ASCC3: variants seen among roughly 807,000 people sequenced by gnomAD.
ASCC3 encodes ASC-1 complex subunit P200.
A neutral mutation model predicts 256.3 loss-of-function variants in ASCC3; 158 were observed. The observed-to-expected ratio is 0.62, with a 90% CI of 0.54 to 0.70. The LOEUF is 0.70. ASCC3 is among the 30% of genes least tolerant of loss of function. The pLI is 0.00. For missense variants in ASCC3, 2,259 were observed against 2,626.0 expected (o/e 0.86, Z 3.05); for synonymous variants, 948 against 883.4 (o/e 1.07, Z -1.30).
At chr6:100,826,479 A>G (rs1771316400) in intron 4 of ASCC3, among the ~76,000 whole-genome samples, 1 of 152,168 alleles carries the variant, frequency 6.6e-6, no homozygotes, top group African/African-American at 2.4e-5. Context: ...ATCCTTATAC[A>G]GTTCACTTTT....
chr6:100,538,615 C>T (rs2114659666), intron 37 of ASCC3, among the ~76,000 whole-genome samples: 1 of 152,180 alleles, frequency 6.6e-6, no homozygotes, highest in Non-Finnish European at 1.5e-5. Flanking sequence ...TTTTGGTGGA[C>T]ACCATTCTGG....
chr6:100,592,904 T>C (rs1772080055), intron 34 of ASCC3, among the ~76,000 whole-genome samples: 2 of 152,118 alleles, frequency 1.3e-5, no homozygotes, highest in South Asian at 4.1e-4. Context: ...AAAACGTAGT[T>C]TTATGTTCAC....
chr6:100,734,575 A>T (rs978898608), intron 10 of ASCC3, among the ~76,000 whole-genome samples: 1 of 152,158 alleles, frequency 6.6e-6, no homozygotes, highest in Admixed American at 6.5e-5. Context: ...TCTTGTGATT[A>T]TGGGAATTAT....
chr6:100,833,949 G>A lies in ASCC3; in HGVS notation c.801+14199C>T, dbSNP rs546673477. Among the ~76,000 whole-genome samples, 60 of 152,216 alleles carry A rather than the reference G, an allele frequency of 3.9e-4. 1 individual carries two copies. The highest frequency in any genetic ancestry group is 3.4e-3 in the Middle Eastern group (1 of 294). On this transcript the variant is annotated intron_variant, in intron 4 of 41. Coordinates refer to ENST00000369162, the MANE Select transcript of ASCC3 (RefSeq NM_006828.4). ...AAAAATTAGCCAGGCGTGGTGGTGCGTGCCTGTAATCCCAGTTACTTAAGG... is the reference window on the plus strand; with the variant it reads ...AAAAATTAGCCAGGCGTGGTGGTGCATGCCTGTAATCCCAGTTACTTAAGG...
chr6:100,711,270 T>C (rs1444088898), intron 13 of ASCC3, among the ~76,000 whole-genome samples: 1 of 152,190 alleles, frequency 6.6e-6, no homozygotes, highest in Non-Finnish European at 1.5e-5. Context: ...TCATAATGCA[T>C]GCAAGTCTGA....
intron 36 of ASCC3, among the ~76,000 whole-genome samples, chr6:100,556,531 A>T (rs1389641736): frequency 6.6e-5 from 10 of 152,220 alleles, no homozygotes; most frequent in Non-Finnish European, 1.5e-4. Context: ...AAGAATGTTA[A>T]TCAGGAGAAA....
intron 10 of ASCC3, among the ~76,000 whole-genome samples, chr6:100,729,654 A>C (rs1779809405): frequency 6.6e-6 from 1 of 152,180 alleles, no homozygotes. Flanking sequence ...AGTCATATTG[A>C]TATCATATTG....
chr6:100,851,304 C>T (rs117882942), intron 3 of ASCC3, among the ~76,000 whole-genome samples: 1,848 of 152,122 alleles, frequency 0.012, 22 homozygotes, highest in Middle Eastern at 0.045. Flanking sequence ...AAATAGGTCA[C>T]CTTAAGAAAT....
chr6:100,587,943 T>C (rs915378259), intron 36 of ASCC3, among the ~76,000 whole-genome samples: 3 of 152,182 alleles, frequency 2.0e-5, no homozygotes, highest in African/African-American at 7.2e-5. Context: ...GTAGTAGGCA[T>C]ATGATTTTCA....
intron 10 of ASCC3, among the ~76,000 whole-genome samples, chr6:100,746,032 A>T (rs1208729994): frequency 6.6e-6 from 1 of 151,904 alleles, no homozygotes; most frequent in Non-Finnish European, 1.5e-5. Flanking sequence ...AGCTTTCTTA[A>T]AAGATAGCTA....
intron 36 of ASCC3, among the ~76,000 whole-genome samples, chr6:100,573,573 T>C (rs1392648810): frequency 6.6e-6 from 1 of 152,108 alleles, no homozygotes; most frequent in African/African-American, 2.4e-5. Context: ...TTACTCAACG[T>C]AGAGTGAGAG....
chr6:100,579,567 C>A (rs1771084642), intron 36 of ASCC3, among the ~76,000 whole-genome samples: 3 of 152,058 alleles, frequency 2.0e-5, no homozygotes, highest in Non-Finnish European at 4.4e-5. Context: ...TAGGGCTCGG[C>A]AATTATCCCA....
At chr6:100,724,286 TA>T (rs146443725) in intron 11 of ASCC3, among the ~76,000 whole-genome samples, 14 of 147,456 alleles carry the variant, frequency 9.5e-5, no homozygotes, top group East Asian at 2.0e-4. Flanking sequence ...AATCAAAAGT[TA>T]AAAAAAAAAC....
At chr6:100,829,159 C>A (rs1771487188) in intron 4 of ASCC3, among the ~76,000 whole-genome samples, 1 of 152,176 alleles carries the variant, frequency 6.6e-6, no homozygotes, top group South Asian at 2.1e-4. Flanking sequence ...AGGAGCCCAA[C>A]TGGATTCACC....
intron 36 of ASCC3, among the ~76,000 whole-genome samples, chr6:100,550,054 T>C (rs1769212568): frequency 6.6e-6 from 1 of 151,952 alleles, no homozygotes; most frequent in Non-Finnish European, 1.5e-5. Context: ...GGAACATCCA[T>C]GAGCAGGAGC....
At position 100,540,029 on chromosome 6, in the gene ASCC3, T is replaced by A. The variant is rs1437658845; in HGVS notation, c.5775+134A>T. ...GCTTTTACTTTGGAAATTCTTGATA[T>A]GATCAACCAGTTGTTTCTCAACAAT... On this transcript the variant is annotated intron_variant, in intron 37 of 41. Coordinates refer to ENST00000369162, the MANE Select transcript of ASCC3 (RefSeq NM_006828.4). 6.1e-6 allele frequency: 5 copies of A among 813,752 alleles called. No individual in the cohort carries two copies. The African/African-American group carries it at 6.8e-5, about 11-fold the overall frequency. The allele number at this position is 813,752 out of a possible 1,614,324, so 50.4% of individuals were successfully genotyped here.
At position 100,625,345 on chromosome 6, in the gene ASCC3, GT is replaced by G; in HGVS notation, c.4643-12del. 1 of 1,611,778 alleles carries G rather than the reference GT, an allele frequency of 6.2e-7. No individual in the cohort carries two copies. The highest frequency in any genetic ancestry group is 8.5e-7 in the Non-Finnish European group (1 of 1,178,336). ...AATGGCTTCTAATTGCTGTTGAAAA[GT>G]TGTGGGAAATAAAATGGAAAGATAC... On this transcript the variant is annotated splice_polypyrimidine_tract_variant and intron_variant, in intron 29 of 41. Transcript: ENST00000369162.
intron 36 of ASCC3, among the ~76,000 whole-genome samples, chr6:100,578,175 A>T (rs548626416): frequency 6.6e-6 from 1 of 152,182 alleles, no homozygotes; most frequent in Admixed American, 6.6e-5. Flanking sequence ...AGAACATAAA[A>T]GGCGAGAATT....
In ASCC3 at chr6:100,652,901, A is replaced by AT. The variant is rs772450523; in HGVS notation, c.2824-13_2824-12insA. 5.0e-6 allele frequency: 8 copies of AT among 1,612,676 alleles called. No homozygotes were observed. In the African/African-American group the frequency reaches 8.0e-5, roughly 16 times the overall value. ...AATGTTGGGTCAATCTATGGCAAAA[A>AT]ATATATAAACAGTTGAATAGTGCTT... On this transcript the variant is annotated splice_polypyrimidine_tract_variant and intron_variant, in intron 17 of 41. Transcript: ENST00000369162.
Sources: allele counts gnomAD v4.1 joint callset (sites outside exome capture counted in the v4.1 genomes callset), GRCh38; gene constraint gnomAD v4.1.1; transcripts MANE v1.5; gene names NCBI Gene and HGNC (gene_info 2026-07-23, HGNC 2026-07-21).